Variants in ARHGAP39 observed in about 807,000 individuals in gnomAD.
ARHGAP39 encodes the protein rho GTPase-activating protein 39.
A neutral mutation model predicts 106.9 loss-of-function variants in ARHGAP39; 44 were observed. The observed-to-expected ratio is 0.41, with a 90% confidence interval of 0.32 to 0.53. The LOEUF (loss-of-function observed/expected upper bound fraction) is 0.53. ARHGAP39 is among the 20% of genes least tolerant of loss of function. The pLI is 0.21. For missense variants in ARHGAP39, 1,496 were observed against 1,577.3 expected, an observed-to-expected ratio of 0.95 and a Z score of 0.87; for synonymous variants, 768 against 693.2, an observed-to-expected ratio of 1.11 and a Z score of -1.69.
At chr8:144,552,141 C>T (rs190869648) in intron 4 of ARHGAP39, among the ~76,000 whole-genome samples, 52 of 152,352 alleles carry the variant, frequency 3.4e-4, no homozygotes, top group South Asian at 2.1e-3. Flanking sequence ...GCCTTAAGAG[C>T]GGTCGTGGCC....
chr8:144,682,244 CAAAAA>C (rs1199836499), intron 1 of ARHGAP39, among the ~76,000 whole-genome samples: 1 of 30,686 alleles, frequency 3.3e-5, no homozygotes, highest in South Asian at 9.7e-4. Context: ...GACTCTATCT[CAAAAA>C]AAAAAAAAAA....
intron 1 of ARHGAP39, among the ~76,000 whole-genome samples, chr8:144,609,621 C>T (rs962215853): frequency 6.6e-6 from 1 of 152,060 alleles, no homozygotes; most frequent in African/African-American, 2.4e-5. Flanking sequence ...CCAGGCTGGT[C>T]TTGAATTCCT....
chr8:144,545,865 G>A (rs557433455), intron 5 of ARHGAP39, 55 bp from the exon 6 acceptor site: 9 of 1,404,032 alleles, frequency 6.4e-6, no homozygotes, highest in South Asian at 5.7e-5. Flanking sequence ...CCAGGCAGGT[G>A]GGCCCACTGG....
chr8:144,673,001 G>A (rs534040805), intron 1 of ARHGAP39, among the ~76,000 whole-genome samples: 1 of 152,308 alleles, frequency 6.6e-6, no homozygotes, highest in Non-Finnish European at 1.5e-5. Flanking sequence ...AGGATCACTT[G>A]AGCCCAAGAG....
At chr8:144,607,235 CAAAAAAAAAAAAAAA>C (rs1167793437) in intron 1 of ARHGAP39, among the ~76,000 whole-genome samples, 11 of 50,696 alleles carry the variant, frequency 2.2e-4, no homozygotes, top group Non-Finnish European at 4.4e-4. Context: ...GACATTGTCT[CAAAAAAAAAAAAAAA>C]AAAAAAAAAG....
intron 5 of ARHGAP39, among the ~76,000 whole-genome samples, chr8:144,546,313 G>A (rs1156280471): frequency 1.3e-5 from 2 of 152,154 alleles, no homozygotes; most frequent in African/African-American, 4.8e-5. Flanking sequence ...TGCTCTGAGA[G>A]AACCTGGTCC....
intron 2 of ARHGAP39, among the ~76,000 whole-genome samples, chr8:144,592,723 A>G (rs1360402986): frequency 1.3e-5 from 2 of 152,146 alleles, no homozygotes; most frequent in Non-Finnish European, 2.9e-5. Context: ...AGACCACAGC[A>G]TGGGGATGCT....
intron 5 of ARHGAP39, 41 bp from the exon 6 acceptor site, chr8:144,545,851 A>T: frequency 3.9e-4 from 502 of 1,271,388 alleles, no homozygotes; most frequent in Non-Finnish European, 4.9e-4. Context: ...GGGGTGGGGG[A>T]GGGCCAGGCA....
chr8:144,603,361 CTGTG>C (rs1404937072), intron 2 of ARHGAP39, among the ~76,000 whole-genome samples: 1 of 151,976 alleles, frequency 6.6e-6, no homozygotes. Context: ...GCTCGTGAAC[CTGTG>C]TGTGTACATG....
chr8:144,623,849 A>G (rs1352033222), intron 1 of ARHGAP39, among the ~76,000 whole-genome samples: 1 of 152,220 alleles, frequency 6.6e-6, no homozygotes, highest in Non-Finnish European at 1.5e-5. Flanking sequence ...TGGGCAAGTA[A>G]GCACACAGAG....
chr8:144,663,042 T>G (rs1189774164), intron 1 of ARHGAP39, among the ~76,000 whole-genome samples: 3 of 145,286 alleles, frequency 2.1e-5, no homozygotes, highest in Admixed American at 2.1e-4. Context: ...CTCCCCATTA[T>G]CCATCTTGGG....
At chr8:144,571,603 C>T (rs1457812661) in intron 3 of ARHGAP39, among the ~76,000 whole-genome samples, 1 of 152,148 alleles carries the variant, frequency 6.6e-6, no homozygotes, top group Non-Finnish European at 1.5e-5. Context: ...CCTCTCTCAC[C>T]ACTCCTATTC....
In ARHGAP39 at chr8:144,561,417, T is replaced by G. The variant is rs145537009; in HGVS notation, c.513-5774A>C. On this transcript the variant is annotated intron_variant, in intron 3 of 11. Transcript: ENST00000377307. ...GTGGTGTCCATCACACTCCAGTGGT[T>G]TCCATCACACTCCAGTGGTGTCCAT... Among the ~76,000 whole-genome samples, 106 of 142,348 alleles carry G rather than the reference T, an allele frequency of 7.4e-4. 2 individuals carry two copies. Among genetic ancestry groups the G allele is most frequent in the African/African-American group, 2.0e-3 (75 of 38,292 alleles). The allele number at this position is 142,348 out of a possible 152,430, so 93.4% of individuals were successfully genotyped here.
rs1821413805 is a variant in ARHGAP39, at chr8:144,645,291, G to C, written c.-81-39596C>G. On this transcript the variant is annotated intron_variant, in intron 1 of 11. Coordinates refer to ENST00000377307, the MANE Select transcript of ARHGAP39 (RefSeq NM_025251.3). The surrounding 1 kb of genome is among the most constrained non-coding windows in gnomAD (Gnocchi z 4.4). ...ATGAACTGAAGGCACGAGAAGTCCA[G>C]GTGTCAAGGAGAGGTTGGCCATGAG... 6.6e-6 allele frequency among the ~76,000 whole-genome samples: 1 copy of C among 152,260 alleles called. No homozygotes were observed. Among genetic ancestry groups the C allele is most frequent in the Admixed American group, 6.5e-5 (1 of 15,292 alleles).
chr8:144,605,324 C>T (rs967018680), intron 2 of ARHGAP39, among the ~76,000 whole-genome samples: 3 of 152,240 alleles, frequency 2.0e-5, no homozygotes, highest in African/African-American at 7.2e-5. Context: ...AACGACGAAT[C>T]ATGGCGACCC....
chr8:144,539,969 G>C (rs889199752), intron 6 of ARHGAP39, among the ~76,000 whole-genome samples: 1 of 152,186 alleles, frequency 6.6e-6, no homozygotes, highest in Admixed American at 6.5e-5. Flanking sequence ...TCTATGCGTC[G>C]ATTTGGTAGA....
At position 144,562,368 on chromosome 8, in the gene ARHGAP39, CCCAGTGGTTTCCATCGCGCT is replaced by C. The variant is rs1564849274; in HGVS notation, c.513-6745_513-6726del. ...CACGCTCCAGTGGTTTCCATCGGAC[CCCAGTGGTTTCCATCGCGCT>C]CCAGTGGTTTCCATCGCGCTCCAGT... On this transcript the variant is annotated intron_variant, in intron 3 of 11. Coordinates refer to ENST00000377307, the MANE Select transcript of ARHGAP39 (RefSeq NM_025251.3). Among the ~76,000 whole-genome samples, 39 of 134,496 alleles carry C rather than the reference CCCAGTGGTTTCCATCGCGCT, an allele frequency of 2.9e-4. 1 individual carries two copies. Among genetic ancestry groups the C allele is most frequent in the Admixed American group, 1.2e-3 (16 of 13,100 alleles). The allele number at this position is 134,496 out of a possible 152,430, so 88.2% of individuals were successfully genotyped here.
intron 2 of ARHGAP39, among the ~76,000 whole-genome samples, chr8:144,593,874 A>C (rs1178180272): frequency 6.6e-6 from 1 of 152,158 alleles, no homozygotes; most frequent in Admixed American, 6.5e-5. Flanking sequence ...TGGATCACCT[A>C]AGTCAGGAGT....
intron 4 of ARHGAP39, among the ~76,000 whole-genome samples, chr8:144,553,291 C>T (rs926760514): frequency 1.3e-5 from 2 of 152,184 alleles, no homozygotes; most frequent in Admixed American, 6.5e-5. Context: ...GGTAAGTTCC[C>T]GCTTTCCAGA....
Sources: allele counts gnomAD v4.1 joint callset (sites outside exome capture counted in the v4.1 genomes callset), GRCh38; gene constraint gnomAD v4.1.1; non-coding constraint Gnocchi (gnomAD v3.1); transcripts MANE v1.5; gene names NCBI Gene and HGNC (gene_info 2026-07-23, HGNC 2026-07-21).